Variants in ROBO2 observed in about 807,000 individuals in gnomAD.
ROBO2 encodes roundabout guidance receptor 2.
A neutral mutation model predicts 160.8 loss-of-function variants in ROBO2; 53 were observed. The ratio of observed to expected loss-of-function variants is 0.33; its 90% CI spans 0.26 to 0.41. ROBO2 has a LOEUF of 0.41. ROBO2 is among the 10% of genes least tolerant of loss of function. ROBO2 has a pLI of 1.00. For missense variants in ROBO2, 1,577 were observed against 1,722.4 expected (o/e 0.92, Z 1.49); for synonymous variants, 664 against 611.7 (o/e 1.09, Z -1.26).
chr3:77,507,418 C>T (rs371010096), intron 5 of ROBO2, among the ~76,000 whole-genome samples: 2 of 152,132 alleles, frequency 1.3e-5, no homozygotes, highest in Non-Finnish European at 2.9e-5. Flanking sequence ...TTCGGAAATA[C>T]ATTTTACCAA....
In ROBO2 at chr3:76,782,233, C is replaced by T. The variant is rs540246675; in HGVS notation, c.110-315781C>T. ...CTAGTATTGATTTCTAGTTTCATACCGTTATGGTAGAAAAGATGCTTGATA... is the reference window on the plus strand; with the variant it reads ...CTAGTATTGATTTCTAGTTTCATACTGTTATGGTAGAAAAGATGCTTGATA... On this transcript the variant is annotated intron_variant, in intron 2 of 26. Coordinates refer to the ROBO2 transcript ENST00000487694. Among the ~76,000 whole-genome samples the T allele has an allele frequency of 1.2e-4, 18 of 150,586 alleles. No homozygotes were observed. The East Asian group carries it at 2.9e-3, about 25-fold the overall frequency.
chr3:77,554,727 AAATTGAAC>A (rs1315811988), intron 8 of ROBO2, among the ~76,000 whole-genome samples: 7 of 152,020 alleles, frequency 4.6e-5, no homozygotes, highest in Non-Finnish European at 7.4e-5. Flanking sequence ...CACATGATAC[AAATTGAAC>A]AAATGAAGAA....
At chr3:76,435,638 G>C (rs780158948) in intron 2 of ROBO2, among the ~76,000 whole-genome samples, 154 of 152,274 alleles carry the variant, frequency 1.0e-3, no homozygotes, top group Admixed American at 2.9e-3. Context: ...GGAAGGTGCA[G>C]CTTTTCCATA....
intron 2 of ROBO2, among the ~76,000 whole-genome samples, chr3:76,463,757 ACT>A (rs2106853405): frequency 1.3e-5 from 2 of 151,950 alleles, no homozygotes; most frequent in African/African-American, 4.8e-5. Flanking sequence ...CAACATAGTA[ACT>A]CTTTTCTTTG....
At chr3:76,414,980 C>A (rs2075693814) in intron 2 of ROBO2, among the ~76,000 whole-genome samples, 1 of 152,072 alleles carries the variant, frequency 6.6e-6, no homozygotes, top group Non-Finnish European at 1.5e-5. Context: ...TTCATGACAT[C>A]ATGGTTGTTA....
At chr3:76,180,396 C>T (rs917473733) in intron 2 of ROBO2, among the ~76,000 whole-genome samples, 1 of 152,138 alleles carries the variant, frequency 6.6e-6, no homozygotes, top group African/African-American at 2.4e-5. Flanking sequence ...TGACACCAAC[C>T]AAAGGAGTCT....
At chr3:77,170,950 A>C (rs2150740980) in intron 2 of ROBO2, among the ~76,000 whole-genome samples, 1 of 152,256 alleles carries the variant, frequency 6.6e-6, no homozygotes, top group Admixed American at 6.5e-5. Flanking sequence ...AAGAACAAAA[A>C]AAGTCTGTTT....
intron 12 of ROBO2, among the ~76,000 whole-genome samples, chr3:77,566,437 G>A (rs1373544202): frequency 1.3e-5 from 2 of 152,040 alleles, no homozygotes; most frequent in Non-Finnish European, 2.9e-5. Flanking sequence ...TACTGTGTTT[G>A]AATTAAGTGT....
chr3:76,904,445 T>A (rs1028398690), intron 2 of ROBO2, among the ~76,000 whole-genome samples: 7 of 152,194 alleles, frequency 4.6e-5, no homozygotes, highest in African/African-American at 1.7e-4. Context: ...ATAATTGAAG[T>A]ATTTTACTTT....
chr3:76,734,629 G>T (rs1482490485), intron 2 of ROBO2, among the ~76,000 whole-genome samples: 3 of 152,102 alleles, frequency 2.0e-5, no homozygotes, highest in African/African-American at 7.2e-5. Flanking sequence ...AGTTCACAGT[G>T]CCCCAAACAC....
At chr3:76,157,147 T>G (rs2072438891) in intron 2 of ROBO2, among the ~76,000 whole-genome samples, 1 of 152,192 alleles carries the variant, frequency 6.6e-6, no homozygotes, top group Non-Finnish European at 1.5e-5. Context: ...CTCTGTAAGA[T>G]TTCTTTAATG....
At chr3:76,424,478 G>A (rs1163516850) in intron 2 of ROBO2, among the ~76,000 whole-genome samples, 2 of 152,156 alleles carry the variant, frequency 1.3e-5, no homozygotes, top group Non-Finnish European at 2.9e-5. Flanking sequence ...GAAGCAGAGA[G>A]TAGAAGGGTT....
chr3:76,252,616 A>C (rs1706080030), intron 2 of ROBO2, among the ~76,000 whole-genome samples: 1 of 151,974 alleles, frequency 6.6e-6, no homozygotes, highest in African/African-American at 2.4e-5. Context: ...TTTATGTGAA[A>C]GACAGAAAAA....
intron 2 of ROBO2, among the ~76,000 whole-genome samples, chr3:77,138,393 A>G (rs1433230360): frequency 6.6e-6 from 1 of 152,152 alleles, no homozygotes; most frequent in African/African-American, 2.4e-5. Context: ...TTTTTTCTCG[A>G]TAGTAGTTTA....
chr3:77,511,215 T>C (rs1023260576), intron 5 of ROBO2, among the ~76,000 whole-genome samples: 6 of 151,992 alleles, frequency 3.9e-5, no homozygotes, highest in African/African-American at 1.4e-4. Flanking sequence ...AATTAATCCC[T>C]GGAGCCTCCC....
chr3:76,811,155 G>A lies in ROBO2; in HGVS notation c.110-286859G>A, dbSNP rs545612260. On this transcript the variant is annotated intron_variant, in intron 2 of 26. Coordinates refer to the ROBO2 transcript ENST00000487694. ...AAGTTTGGGAAAAGACTATCTTTAG[G>A]TTAGCAGAATCCAGTGGCTTCATGA... Among the ~76,000 whole-genome samples, 6 of 152,180 alleles carry A rather than the reference G, an allele frequency of 3.9e-5. No individual in the cohort carries two copies. In the South Asian group the frequency reaches 1.0e-3, roughly 26 times the overall value.
At chr3:76,335,871 C>T (rs1412389093) in intron 2 of ROBO2, among the ~76,000 whole-genome samples, 5 of 152,144 alleles carry the variant, frequency 3.3e-5, no homozygotes, top group African/African-American at 7.2e-5. Flanking sequence ...CCACCGCGCC[C>T]GGCCTAAAGC....
chr3:77,062,156 C>T lies in ROBO2; in HGVS notation c.61+21310C>T, dbSNP rs540449808. On this transcript the variant is annotated intron_variant, in intron 1 of 25. Transcript: ENST00000461745. ...AGTTTTACTTAGGTTAAAACTTTCC[C>T]ATTGTGGCCACCAAAATTCTACATT... 3.9e-5 allele frequency among the ~76,000 whole-genome samples: 6 copies of T among 152,214 alleles called. No homozygotes were observed. The East Asian group carries it at 1.2e-3, about 29-fold the overall frequency.
At chr3:77,252,821 A>ATATATAT (rs1168712165) in intron 2 of ROBO2, among the ~76,000 whole-genome samples, 1 of 38,676 alleles carries the variant, frequency 2.6e-5, no homozygotes, top group African/African-American at 5.7e-5. Flanking sequence ...AAAAAAAAAA[A>ATATATAT]AAAAAAAAAA....
Sources: gnomAD v4.1 joint callset for allele counts (sites outside exome capture counted in the v4.1 genomes callset) on GRCh38, gnomAD v4.1.1 for gene constraint, MANE v1.5 for transcripts, NCBI Gene and HGNC (gene_info 2026-07-23, HGNC 2026-07-21) for gene names.